Variants in TTC17 observed in about 807,000 individuals in gnomAD.
TTC17 encodes the protein tetratricopeptide repeat domain 17.
In TTC17, 58 loss-of-function variants were observed where a neutral mutation model predicts 143.8. The ratio of observed to expected loss-of-function variants is 0.40; its 90% CI spans 0.33 to 0.50. The LOEUF (loss-of-function observed/expected upper bound fraction) is 0.50. Ranked by LOEUF, TTC17 falls within the 20% of genes least tolerant of loss-of-function variation. The probability of loss-of-function intolerance (pLI) is 0.49; values close to 1 mark genes in which losing one functional copy is unlikely to be tolerated. For synonymous variants in TTC17, 501 were observed against 497.8 expected, an observed-to-expected ratio of 1.01 and a Z score of -0.09; for missense variants, 1,273 against 1,392.5, an observed-to-expected ratio of 0.91 and a Z score of 1.37.
chr11:43,481,176 C>T (rs953584230), intron 21 of TTC17, among the ~76,000 whole-genome samples: 15 of 151,954 alleles, frequency 9.9e-5, no homozygotes, highest in African/African-American at 3.4e-4. Flanking sequence ...AAAGATATAC[C>T]AGTTCTAAAC....
chr11:43,391,808 T>G lies in TTC17; in HGVS notation c.532-13T>G. On this transcript the variant is annotated splice_polypyrimidine_tract_variant and intron_variant, in intron 4 of 23. Coordinates refer to ENST00000039989, the MANE Select transcript of TTC17 (RefSeq NM_018259.6). ...CCTTTGATATGTCTTTTGAATCTTT[T>G]TCTTCTCTTCAGGGTGTACAGGAGA... 1 of 1,608,758 alleles carries G rather than the reference T, an allele frequency of 6.2e-7. No homozygotes were observed. Among genetic ancestry groups the G allele is most frequent in the Non-Finnish European group, 8.5e-7 (1 of 1,178,854 alleles).
intron 1 of TTC17, chr11:43,359,322 G>T (rs1855997160): frequency 1.6e-6 from 1 of 626,242 alleles, no homozygotes; most frequent in East Asian, 3.5e-5. Context: ...TGGCCCCCTA[G>T]AAGTTCTCAC....
chr11:43,399,253 G>T (rs1316664771), intron 8 of TTC17, among the ~76,000 whole-genome samples: 6 of 152,226 alleles, frequency 3.9e-5, no homozygotes, highest in Non-Finnish European at 7.3e-5. Flanking sequence ...GACTTTGAAT[G>T]TTGATGGAAC....
In TTC17 at chr11:43,462,921, C is replaced by CTTTTTTTTTTTT. The variant is rs562594929; in HGVS notation, c.3030+11657_3030+11668dup. 1.3e-3 allele frequency among the ~76,000 whole-genome samples: 155 copies of CTTTTTTTTTTTT among 117,702 alleles called. 18 individuals carry two copies. Among genetic ancestry groups the CTTTTTTTTTTTT allele is most frequent in the Admixed American group, 4.1e-3 (43 of 10,362 alleles). The allele number at this position is 117,702 out of a possible 152,430, so 77.2% of individuals were successfully genotyped here. A position where few individuals can be genotyped will look rare whatever the true frequency, so the allele number is the denominator to read the frequency against. ...CACTGAATCCAGCAGTGACAAAATT[C>CTTTTTTTTTTTT]TTTTTTTTTTTTGAGACAGAGTCTC... On this transcript the variant is annotated intron_variant, in intron 21 of 23. Coordinates refer to ENST00000039989, the MANE Select transcript of TTC17 (RefSeq NM_018259.6).
chr11:43,369,724 C>G (rs1856489591), intron 1 of TTC17, among the ~76,000 whole-genome samples: 1 of 151,226 alleles, frequency 6.6e-6, no homozygotes, highest in South Asian at 2.1e-4. Flanking sequence ...TCAAGTGATT[C>G]TTCTGCCTCA....
chr11:43,387,247 G>A (rs1857203862), intron 2 of TTC17, among the ~76,000 whole-genome samples: 3 of 152,120 alleles, frequency 2.0e-5, no homozygotes, highest in African/African-American at 7.2e-5. Flanking sequence ...GTATTAGTCA[G>A]CTTTTGCATT....
intron 21 of TTC17, among the ~76,000 whole-genome samples, chr11:43,480,752 A>G (rs776096653): frequency 9.2e-5 from 14 of 152,148 alleles, no homozygotes; most frequent in Non-Finnish European, 1.5e-5. Context: ...GTTATAATAC[A>G]TTGTTTAGAC....
At chr11:43,439,874 T>A (rs1234465120) in intron 16 of TTC17, among the ~76,000 whole-genome samples, 3 of 152,166 alleles carry the variant, frequency 2.0e-5, no homozygotes, top group African/African-American at 7.2e-5. Context: ...TGGAATAGGC[T>A]TCATCTCAGT....
intron 15 of TTC17, 139 bp downstream of exon 15, chr11:43,407,716 G>A: frequency 1.3e-6 from 1 of 793,974 alleles, no homozygotes; most frequent in Non-Finnish European, 1.9e-6. Flanking sequence ...TATTTCAAGA[G>A]AGTGTGAAAA....
rs80101331 is a variant in TTC17 at position 43,379,202 on chromosome 11, C to A, written c.160-31C>A. 2.1e-3 allele frequency: 3,294 copies of A among 1,590,286 alleles called. 48 individuals are homozygous for A. The African/African-American group carries it at 0.037, about 18-fold the overall frequency. On this transcript the variant is annotated intron_variant, in intron 1 of 23. Coordinates refer to ENST00000039989, the MANE Select transcript of TTC17 (RefSeq NM_018259.6). The stretch of plus-strand genomic sequence containing the variant: ...AATCCAAACCAGCATTAATGAAATC[C>A]GAGCTTTATTTATTTATTGCTTGCT...
intron 16 of TTC17, chr11:43,435,064 C>A (rs1947254678): frequency 6.8e-6 from 1 of 147,864 alleles, no homozygotes; most frequent in Admixed American, 6.8e-5. Flanking sequence ...TGAATCTGTA[C>A]ACACAGATAA....
intron 1 of TTC17, among the ~76,000 whole-genome samples, chr11:43,359,891 T>TA (rs1222421778): frequency 6.6e-6 from 1 of 152,218 alleles, no homozygotes. Context: ...CTGCTTTTCT[T>TA]ATATAACTTT....
intron 18 of TTC17, chr11:43,446,106 C>T: frequency 6.9e-7 from 1 of 1,439,548 alleles, no homozygotes; most frequent in Non-Finnish European, 9.1e-7. Flanking sequence ...GTGTACAAGA[C>T]CCTTTACAGC....
intron 1 of TTC17, among the ~76,000 whole-genome samples, chr11:43,364,444 C>G (rs1320363744): frequency 1.3e-5 from 2 of 152,128 alleles, no homozygotes; most frequent in African/African-American, 4.8e-5. Context: ...CCATATGGCA[C>G]TGTGAAGCTG....
chr11:43,413,963 A>T (rs190183364), intron 15 of TTC17, among the ~76,000 whole-genome samples: 1 of 152,344 alleles, frequency 6.6e-6, no homozygotes, highest in Admixed American at 6.5e-5. Flanking sequence ...AATGAGGACA[A>T]TGTGCCTATC....
Position 43,366,208 on chromosome 11 carries a change from C to T in TTC17, c.159+7095C>T, listed in dbSNP as rs578045732. On this transcript the variant is annotated intron_variant, in intron 1 of 23. Coordinates refer to ENST00000039989, the MANE Select transcript of TTC17 (RefSeq NM_018259.6). The stretch of plus-strand genomic sequence containing the variant: ...TTGTTTTACTAATTATATTTTACTT[C>T]TTCCCATAGCTACTATCATTACTCT... 2.0e-5 allele frequency among the ~76,000 whole-genome samples: 3 copies of T among 152,176 alleles called. No individual in the cohort carries two copies. The South Asian group carries it at 6.2e-4, about 32-fold the overall frequency.
At chr11:43,379,558 G>A (rs1023600718) in intron 2 of TTC17, among the ~76,000 whole-genome samples, 1 of 151,990 alleles carries the variant, frequency 6.6e-6, no homozygotes, top group East Asian at 1.9e-4. Flanking sequence ...GGGTATATGC[G>A]TGATTCTTAA....
At chr11:43,432,221 A>G (rs538381655) in intron 16 of TTC17, among the ~76,000 whole-genome samples, 1 of 35,476 alleles carries the variant, frequency 2.8e-5, no homozygotes, top group Non-Finnish European at 5.9e-5. Flanking sequence ...CCGTCAGGAG[A>G]CTTTACTTTG....
At chr11:43,398,930 G>A (rs768247482) in intron 8 of TTC17, among the ~76,000 whole-genome samples, 16 of 152,186 alleles carry the variant, frequency 1.1e-4, no homozygotes, top group Non-Finnish European at 2.4e-4. Flanking sequence ...ACCTGGCTGA[G>A]CTTTTTCCAG....
Sources: allele counts gnomAD v4.1 joint callset (sites outside exome capture counted in the v4.1 genomes callset), GRCh38; gene constraint gnomAD v4.1.1; transcripts MANE v1.5; gene names NCBI Gene and HGNC (gene_info 2026-07-23, HGNC 2026-07-21).